Variants in GAB2 observed in about 807,000 individuals in gnomAD.
The protein encoded by GAB2 is GRB2 associated binding protein 2.
A neutral mutation model predicts 65.5 loss-of-function variants in GAB2; 26 were observed. The ratio of observed to expected loss-of-function variants is 0.40; its 90% CI spans 0.29 to 0.55. The LOEUF (loss-of-function observed/expected upper bound fraction) is 0.55, where lower values mean the gene tolerates loss of function less well. GAB2 is among the 20% of genes least tolerant of loss of function. The pLI is 0.53. For missense variants in GAB2, 884 were observed against 875.8 expected, an observed-to-expected ratio of 1.01 and a Z score of -0.12; for synonymous variants, 321 against 329.6, an observed-to-expected ratio of 0.97 and a Z score of 0.28.
intron 1 of GAB2, among the ~76,000 whole-genome samples, chr11:78,312,618 A>G (rs1479833219): frequency 6.6e-6 from 1 of 151,904 alleles, no homozygotes; most frequent in Non-Finnish European, 1.5e-5. Context: ...TAGTAGAGAC[A>G]GGGTTTCACC....
At chr11:78,221,640 T>G in intron 8 of GAB2, 37 bp downstream of exon 8, 1 of 1,370,254 alleles carries the variant, frequency 7.3e-7, no homozygotes, top group Non-Finnish European at 1.0e-6. Flanking sequence ...CCAGGGGACT[T>G]GAAAGGCGTC....
At chr11:78,245,948 T>TC (rs1394367165) in intron 3 of GAB2, among the ~76,000 whole-genome samples, 3 of 146,510 alleles carry the variant, frequency 2.0e-5, no homozygotes, top group African/African-American at 7.3e-5. Flanking sequence ...TTTTCTTTTT[T>TC]TCTTTTTTTT....
chr11:78,407,633 C>CAAAAAAAG (rs1555001651), intron 1 of GAB2, among the ~76,000 whole-genome samples: 3 of 93,300 alleles, frequency 3.2e-5, no homozygotes, highest in African/African-American at 1.1e-4. Context: ...AACTCCTTCT[C>CAAAAAAAG]AAAGAAAGAA....
intron 1 of GAB2, among the ~76,000 whole-genome samples, chr11:78,415,192 T>A (rs986407220): frequency 1.4e-4 from 22 of 152,340 alleles, no homozygotes; most frequent in Admixed American, 5.9e-4. Context: ...GTCAGTTTTT[T>A]AAAAAATCGT....
intron 1 of GAB2, among the ~76,000 whole-genome samples, chr11:78,397,609 A>G (rs979464915): frequency 6.6e-6 from 1 of 152,222 alleles, no homozygotes; most frequent in Non-Finnish European, 1.5e-5. Context: ...CCCACAAGTA[A>G]AATCTAAACA....
At chr11:78,305,741 T>A (rs1409098779) in intron 1 of GAB2, among the ~76,000 whole-genome samples, 1 of 152,246 alleles carries the variant, frequency 6.6e-6, no homozygotes, top group East Asian at 1.9e-4. Context: ...TAATTTTTCA[T>A]CTTGAGACAT....
chr11:78,392,694 G>A (rs148738595), intron 1 of GAB2, among the ~76,000 whole-genome samples: 14 of 152,234 alleles, frequency 9.2e-5, no homozygotes, highest in African/African-American at 3.4e-4. Context: ...CTTGAACCTT[G>A]TTCTTCATCC....
intron 1 of GAB2, among the ~76,000 whole-genome samples, chr11:78,389,649 A>G (rs1380456640): frequency 6.6e-6 from 1 of 152,220 alleles, no homozygotes; most frequent in Non-Finnish European, 1.5e-5. Context: ...AATAGTGGTG[A>G]TGGCTGTACA....
chr11:78,303,276 T>G (rs903050244), intron 1 of GAB2, among the ~76,000 whole-genome samples: 1 of 152,176 alleles, frequency 6.6e-6, no homozygotes, highest in African/African-American at 2.4e-5. Context: ...GTCAAAAAGA[T>G]TTTTTGCTTT....
intron 1 of GAB2, among the ~76,000 whole-genome samples, chr11:78,282,314 T>TA (rs1866357510): frequency 6.6e-6 from 1 of 151,884 alleles, no homozygotes; most frequent in African/African-American, 2.4e-5. Context: ...TGTGAATTTT[T>TA]TTTTTTTTTT....
At chr11:78,359,510 C>T (rs1263383574) in intron 1 of GAB2, among the ~76,000 whole-genome samples, 1 of 152,058 alleles carries the variant, frequency 6.6e-6, no homozygotes, top group East Asian at 1.9e-4. Context: ...AAGATATTTT[C>T]AGACAAAAAA....
intron 1 of GAB2, among the ~76,000 whole-genome samples, chr11:78,281,960 C>T (rs1467096637): frequency 1.3e-5 from 2 of 152,208 alleles, no homozygotes; most frequent in Non-Finnish European, 2.9e-5. Flanking sequence ...CTTTTTAGTA[C>T]AACCTGCTTT....
rs527686396 is a variant in GAB2, at chr11:78,336,941, A to G, written c.76-56040T>C. Among the ~76,000 whole-genome samples, 16 of 152,334 alleles carry G rather than the reference A, an allele frequency of 1.1e-4. No homozygotes were observed. The South Asian group carries it at 2.3e-3, about 22-fold the overall frequency. On this transcript the variant is annotated intron_variant, in intron 1 of 9. Coordinates refer to ENST00000361507, the MANE Select transcript of GAB2 (RefSeq NM_080491.3). ...GCATCTAGTCATTTCTATTTCTAAA[A>G]TATCATAGTAAAGGGAAGAAAAGCC...
chr11:78,274,640 C>T (rs989344661), intron 2 of GAB2, among the ~76,000 whole-genome samples: 13 of 152,146 alleles, frequency 8.5e-5, no homozygotes, highest in African/African-American at 2.7e-4. Context: ...ATCCTTGTCC[C>T]CAGTGTACAG....
chr11:78,373,782 G>C (rs1380926866), intron 1 of GAB2, among the ~76,000 whole-genome samples: 1 of 152,146 alleles, frequency 6.6e-6, no homozygotes, highest in Non-Finnish European at 1.5e-5. Context: ...TTTGTTGTTA[G>C]ATGATCACAC....
intron 1 of GAB2, among the ~76,000 whole-genome samples, chr11:78,417,224 C>G (rs1354445857): frequency 1.3e-5 from 2 of 152,112 alleles, no homozygotes; most frequent in African/African-American, 2.4e-5. Context: ...GGGCCGTCCG[C>G]GCGGCCCCAC....
Position 78,353,892 on chromosome 11 carries a change from TG to T in GAB2, c.75+63753del, listed in dbSNP as rs200181977. Among the ~76,000 whole-genome samples, 148 of 152,350 alleles carry T rather than the reference TG, an allele frequency of 9.7e-4. 1 individual carries two copies. In the Middle Eastern group the frequency reaches 0.014, roughly 14 times the overall value. ...GGTACTGAACTACAAAATAAAGAAGTGGTTCTCAAACTTCAGTATGCATCAG... is the reference window on the plus strand; with the variant it reads ...GGTACTGAACTACAAAATAAAGAAGTGTTCTCAAACTTCAGTATGCATCAG... On this transcript the variant is annotated intron_variant, in intron 1 of 9. Coordinates refer to ENST00000361507, the MANE Select transcript of GAB2 (RefSeq NM_080491.3).
chr11:78,228,518 T>C (rs972136217), intron 3 of GAB2, among the ~76,000 whole-genome samples: 10 of 152,194 alleles, frequency 6.6e-5, no homozygotes, highest in African/African-American at 1.2e-4. Flanking sequence ...TTTTGCCTTA[T>C]AGAAGCTCTC....
At position 78,223,527 on chromosome 11, in the gene GAB2, A is replaced by T. The variant is rs1864530075; in HGVS notation, c.1452T>A (p.His484Gln). The change falls in exon 6 of 10, where the codon CAT becomes CAA. Residue 484 changes from histidine to glutamine, a missense_variant. Coordinates refer to ENST00000361507, the MANE Select transcript of GAB2 (RefSeq NM_080491.3). ...ATGGGTAGCCAAGTGAGTCAAAGTGATGGGCCCCTGGGCTCATTGGGATGT... is the reference window on the plus strand; with the variant it reads ...ATGGGTAGCCAAGTGAGTCAAAGTGTTGGGCCCCTGGGCTCATTGGGATGT... ...SVYIPMSPGA[H>Q]HFDSLGYPST... is the part of the protein sequence containing the mutation. 2 of 1,613,254 alleles carry T rather than the reference A, an allele frequency of 1.2e-6. No homozygotes were observed. The highest frequency in any genetic ancestry group is 2.7e-5 in the African/African-American group (2 of 75,004).
Sources: allele counts gnomAD v4.1 joint callset (sites outside exome capture counted in the v4.1 genomes callset), GRCh38; gene constraint gnomAD v4.1.1; transcripts MANE v1.5; gene names NCBI Gene and HGNC (gene_info 2026-07-23, HGNC 2026-07-21).